GHR: variants seen among roughly 807,000 people sequenced by gnomAD.
GHR encodes GH receptor.
GHR carries 35 observed loss-of-function variants against 67.1 expected under a neutral mutation model. The ratio of observed to expected loss-of-function variants is 0.52; its 90% CI spans 0.40 to 0.69. The LOEUF (loss-of-function observed/expected upper bound fraction) is 0.69, where lower values mean the gene tolerates loss of function less well. Among genes scored for constraint, GHR ranks in the 30% least tolerant of loss-of-function variants. The pLI, the probability that GHR is intolerant of heterozygous loss-of-function variation, is 0.00. For missense variants in GHR, 792 were observed against 764.6 expected, an observed-to-expected ratio of 1.04 and a Z score of -0.42; for synonymous variants, 272 against 269.1, an observed-to-expected ratio of 1.01 and a Z score of -0.10.
At chr5:42,612,410 T>A (rs139129055) in intron 2 of GHR, among the ~76,000 whole-genome samples, 1 of 152,242 alleles carries the variant, frequency 6.6e-6, no homozygotes, top group African/African-American at 2.4e-5. Flanking sequence ...AAAATCTGGC[T>A]GAATAGTAAA....
rs1406790971 is a variant in GHR, at chr5:42,551,687, A to G, written c.-11-14177A>G. On this transcript the variant is annotated intron_variant, in intron 1 of 9. Transcript: ENST00000230882. ...AATGTAGGGATCAGAAGCAGGTAGG[A>G]AATGCTGACTTTATTTTAGACAGAG... 2.0e-5 allele frequency among the ~76,000 whole-genome samples: 3 copies of G among 152,212 alleles called. No homozygotes were observed. The East Asian group carries it at 5.8e-4, about 29-fold the overall frequency.
At chr5:42,711,146 T>G (rs779480163) in intron 6 of GHR, 61 bp from the exon 7 acceptor site, 28 of 1,168,488 alleles carry the variant, frequency 2.4e-5, no homozygotes, top group Non-Finnish European at 3.5e-5. Flanking sequence ...ATACCTGTAG[T>G]GTTCATTGCA....
intron 1 of GHR, among the ~76,000 whole-genome samples, chr5:42,553,547 A>G (rs975255157): frequency 1.3e-5 from 2 of 152,196 alleles, no homozygotes; most frequent in Non-Finnish European, 2.9e-5. Flanking sequence ...CCCTTCTGCC[A>G]TATCTCATTC....
intron 1 of GHR, among the ~76,000 whole-genome samples, chr5:42,500,707 T>C (rs1215310320): frequency 1.3e-5 from 2 of 152,290 alleles, no homozygotes; most frequent in Non-Finnish European, 2.9e-5. Flanking sequence ...GAACTCAAAA[T>C]AGTAAGCATC....
chr5:42,522,874 GA>G (rs1579864624), intron 1 of GHR, among the ~76,000 whole-genome samples: 1 of 151,876 alleles, frequency 6.6e-6, no homozygotes, highest in African/African-American at 2.4e-5. Flanking sequence ...GTACTGAATG[GA>G]AAAAAAGCAT....
At chr5:42,614,713 C>T (rs894490679) in intron 2 of GHR, among the ~76,000 whole-genome samples, 1 of 151,638 alleles carries the variant, frequency 6.6e-6, no homozygotes, top group Non-Finnish European at 1.5e-5. Flanking sequence ...TTAACATTAG[C>T]AATTTAACAT....
chr5:42,499,673 A>C (rs994651677), intron 1 of GHR, among the ~76,000 whole-genome samples: 4 of 152,344 alleles, frequency 2.6e-5, no homozygotes, highest in African/African-American at 9.6e-5. Context: ...TTGGTCACTT[A>C]GGGAATCAAG....
At chr5:42,573,359 G>A (rs1750442231) in intron 2 of GHR, among the ~76,000 whole-genome samples, 1 of 152,090 alleles carries the variant, frequency 6.6e-6, no homozygotes, top group African/African-American at 2.4e-5. Flanking sequence ...TCATTTTCCT[G>A]CTTTCTACTC....
intron 3 of GHR, among the ~76,000 whole-genome samples, chr5:42,671,245 T>C (rs995991867): frequency 6.6e-6 from 1 of 152,114 alleles, no homozygotes; most frequent in African/African-American, 2.4e-5. Context: ...TTTTTATTCA[T>C]GGCAGAAGGT....
chr5:42,467,546 G>A (rs547216356), intron 1 of GHR: 98 of 1,422,252 alleles, frequency 6.9e-5, no homozygotes, highest in Admixed American at 6.1e-4. Context: ...CATTTACTAC[G>A]CCTAAAGGTT....
intron 2 of GHR, among the ~76,000 whole-genome samples, chr5:42,621,863 T>A (rs1298393637): frequency 1.3e-5 from 2 of 152,170 alleles, no homozygotes; most frequent in Non-Finnish European, 2.9e-5. Flanking sequence ...CATGGAGATG[T>A]GGGGAGGTAA....
In GHR at chr5:42,709,268, G is replaced by A. The variant is rs79370009; in HGVS notation, c.619-1939G>A. Among the ~76,000 whole-genome samples, 1,245 of 152,242 alleles carry A rather than the reference G, an allele frequency of 8.2e-3. 12 individuals are homozygous for A. Among genetic ancestry groups the A allele is most frequent in the African/African-American group, 0.029 (1,205 of 41,524 alleles). On this transcript the variant is annotated intron_variant, in intron 6 of 9. Coordinates refer to ENST00000230882, the MANE Select transcript of GHR (RefSeq NM_000163.5). Reference sequence around the variant, plus strand: ...CGTGCCTCAGACTCCTGAGTAGCTAGGATTACAGGCGCAAGCCACCACACC... The same window carrying A: ...CGTGCCTCAGACTCCTGAGTAGCTAAGATTACAGGCGCAAGCCACCACACC...
intron 1 of GHR, among the ~76,000 whole-genome samples, chr5:42,547,686 A>G (rs763331383): frequency 3.9e-5 from 6 of 152,116 alleles, no homozygotes; most frequent in Non-Finnish European, 8.8e-5. Flanking sequence ...AAGGGATGAG[A>G]TGAGGGGACT....
chr5:42,532,414 A>G (rs772470594), intron 1 of GHR, among the ~76,000 whole-genome samples: 5 of 152,076 alleles, frequency 3.3e-5, no homozygotes, highest in Non-Finnish European at 5.9e-5. Context: ...TACAATACAC[A>G]CTCATGTACC....
At chr5:42,534,585 T>C (rs1748173393) in intron 1 of GHR, among the ~76,000 whole-genome samples, 1 of 151,876 alleles carries the variant, frequency 6.6e-6, no homozygotes, top group African/African-American at 2.4e-5. Flanking sequence ...TTTGGGTTGG[T>C]TCCATGATTT....
At chr5:42,600,915 A>ATTT (rs1580026633) in intron 2 of GHR, among the ~76,000 whole-genome samples, 1 of 86,142 alleles carries the variant, frequency 1.2e-5, no homozygotes. Context: ...TATTCTTTCT[A>ATTT]TTCTTTTTTT....
chr5:42,566,854 A>T (rs1282851546), intron 2 of GHR, among the ~76,000 whole-genome samples: 1 of 152,280 alleles, frequency 6.6e-6, no homozygotes, highest in East Asian at 1.9e-4. Context: ...TTAGCGCCTT[A>T]AGATGTCCTC....
chr5:42,571,251 T>G (rs1750293392), intron 2 of GHR, among the ~76,000 whole-genome samples: 1 of 152,222 alleles, frequency 6.6e-6, no homozygotes, highest in East Asian at 1.9e-4. Flanking sequence ...TCTTTTGTAC[T>G]ATTTCTCTGA....
chr5:42,675,023 A>C (rs1756502385), intron 3 of GHR, among the ~76,000 whole-genome samples: 1 of 152,136 alleles, frequency 6.6e-6, no homozygotes, highest in Non-Finnish European at 1.5e-5. Context: ...TTAATTATTT[A>C]ATTATTTAAT....
Sources: allele counts gnomAD v4.1 joint callset (sites outside exome capture counted in the v4.1 genomes callset), GRCh38; gene constraint gnomAD v4.1.1; transcripts MANE v1.5; gene names NCBI Gene and HGNC (gene_info 2026-07-23, HGNC 2026-07-21).